The following GBP1 variants were observed in gnomAD, a reference collection of about 807,000 sequenced individuals.
GBP1 encodes guanylate-binding protein 1.
GBP1 carries 64 observed loss-of-function variants against 69.5 expected under a neutral mutation model. That is an observed-to-expected ratio of 0.92 (90% CI 0.75 to 1.13). The LOEUF (loss-of-function observed/expected upper bound fraction) is 1.13, where lower values mean the gene tolerates loss of function less well. Among genes scored for constraint, GBP1 ranks in the 50% most tolerant of loss-of-function variants. The probability of loss-of-function intolerance (pLI) is 0.00; values close to 1 mark genes in which losing one functional copy is unlikely to be tolerated. For missense variants in GBP1, 630 were observed against 704.1 expected (o/e 0.89, Z 1.19); for synonymous variants, 250 against 261.2 (o/e 0.96, Z 0.41).
chr1:89,056,251 A>G, intron 7 of GBP1, 23 bp from the exon 8 acceptor site: 1 of 1,613,912 alleles, frequency 6.2e-7, no homozygotes, highest in Admixed American at 1.7e-5. Flanking sequence ...AATAGGAAGT[A>G]AAAAGAGTAA....
Position 89,058,982 on chromosome 1 carries a change from C to T in GBP1, c.490G>A (p.Glu164Lys), listed in dbSNP as rs917345704. Residue 164 changes from glutamate (E) to lysine (K), a missense_variant, in exon 5 of 11, where the codon GAG becomes AAG. Transcript: ENST00000370473. ...SKSSPDENEN[E>K]VEDSADFVSF... The stretch of plus-strand genomic sequence containing the variant: ...ACAAAGTCAGCTGAATCCTCAACCT[C>T]ATTCTCATTCTCATCAGGTGAGGAT... 6.2e-7 allele frequency: 1 copy of T among 1,614,138 alleles called. No homozygotes were observed. Among genetic ancestry groups the T allele is most frequent in the Non-Finnish European group, 8.5e-7 (1 of 1,180,016 alleles).
chr1:89,061,980 C>T (rs1161888341), intron 2 of GBP1, among the ~76,000 whole-genome samples: 1 of 139,450 alleles, frequency 7.2e-6, no homozygotes, highest in Admixed American at 7.3e-5. Flanking sequence ...ATTCGTATGG[C>T]CACTATAAAA....
rs764383083 is a variant in GBP1, at chr1:89,056,279, C to T, written c.1156-51G>A. 14 of 1,612,998 alleles carry T rather than the reference C, an allele frequency of 8.7e-6. No individual in the cohort carries two copies. The East Asian group carries it at 3.1e-4, about 36-fold the overall frequency. On this transcript the variant is annotated intron_variant, in intron 7 of 10. Coordinates refer to ENST00000370473, the MANE Select transcript of GBP1 (RefSeq NM_002053.3). ...AAGAGTAACAGGGAAAGGATGTTAG[C>T]TTGACCTCAGAATTTTGGGAACGAT...
intron 10 of GBP1, 69 bp downstream of exon 10, chr1:89,054,613 A>T: frequency 7.2e-7 from 1 of 1,389,990 alleles, no homozygotes; most frequent in Non-Finnish European, 1.0e-6. Flanking sequence ...CTGCCACACT[A>T]AGTTTGCGAT....
chr1:89,060,353 G>T (rs776570020), intron 2 of GBP1, 29 bp from the exon 3 acceptor site: 8 of 1,519,460 alleles, frequency 5.3e-6, no homozygotes, highest in South Asian at 3.9e-5. Context: ...ACCAGCGATG[G>T]GGATTTAGTA....
rs1455685815 is a variant in GBP1 at position 89,056,976 on chromosome 1, G to C, written c.1033C>G (p.Leu345Val). The change falls in exon 7 of 11, where the codon CTG becomes GTG. Residue 345 changes from leucine to valine, a missense_variant. Physicochemically the swap from Leu to Val is conservative, Grantham distance 32. This residue lies in a region of GBP1 where 367 missense variants were observed against 369.5 expected (regional missense o/e 0.99). Coordinates refer to ENST00000370473, the MANE Select transcript of GBP1 (RefSeq NM_002053.3). ...AGCTCCTGGAGGGTTTCTGTGGGCAGCTGCACCTTCTGGCCCATCTGCTGT... is the reference window on the plus strand; with the variant it reads ...AGCTCCTGGAGGGTTTCTGTGGGCACCTGCACCTTCTGGCCCATCTGCTGT... ...YEQQMGQKVQ[L>V]PTETLQELLD... is the part of the protein sequence containing the mutation. 2 of 1,614,096 alleles carry C rather than the reference G, an allele frequency of 1.2e-6. No individual in the cohort carries two copies. The highest frequency in any genetic ancestry group is 1.7e-6 in the Non-Finnish European group (2 of 1,180,040).
chr1:89,053,607 C>A (rs1159414354), intron 10 of GBP1, 139 bp from the exon 11 acceptor site: 2 of 1,341,126 alleles, frequency 1.5e-6, no homozygotes, highest in Admixed American at 2.8e-5. Context: ...TTTGGCCTAT[C>A]ATTGACCAAA....
intron 2 of GBP1, among the ~76,000 whole-genome samples, 160 bp from the exon 3 acceptor site, chr1:89,060,484 C>A (rs1162083447): frequency 6.6e-6 from 1 of 152,178 alleles, no homozygotes; most frequent in Non-Finnish European, 1.5e-5. Context: ...ATTTGAATAT[C>A]CAATGCATGG....
Position 89,054,700 on chromosome 1 carries a change from G to T in GBP1, c.1647C>A (p.Thr549=), listed in dbSNP as rs1323285073. ...TAGATACCTGAAGTTTAAGAGCGAG[G>T]GTCCTCTCTTGCTCTTTCAGCAACT... The part of the protein sequence containing the change: ...RVQLLKEQER[T]LALKLQEQEQ... The change falls in exon 10 of 11, where the codon ACC becomes ACA. Residue 549 remains threonine, a synonymous_variant. Transcript: ENST00000370473. 2 of 1,613,842 alleles carry T rather than the reference G, an allele frequency of 1.2e-6. No homozygotes were observed.
At chr1:89,059,193 A>G in intron 4 of GBP1, 124 bp downstream of exon 4, 1 of 1,597,790 alleles carries the variant, frequency 6.3e-7, no homozygotes, top group South Asian at 1.1e-5. Flanking sequence ...TCTCCTCTGT[A>G]CTTGCATTAT....
In GBP1 at chr1:89,060,266, C is replaced by T. The variant is rs374862163; in HGVS notation, c.249G>A (p.Val83=). The T allele has an allele frequency of 6.2e-7, 1 of 1,603,646 alleles. No homozygotes were observed. Among genetic ancestry groups the T allele is most frequent in the Non-Finnish European group, 8.5e-7 (1 of 1,175,660 alleles). ...TGTGGCCTGGCTTCTTGGGGTGGGGCACACACCACATCCAGATTCCTTTAG... is the reference window on the plus strand; with the variant it reads ...TGTGGCCTGGCTTCTTGGGGTGGGGTACACACCACATCCAGATTCCTTTAG... ...SHTKGIWMWC[V]PHPKKPGHIL... is the part of the protein sequence containing the mutation. The change falls in exon 3 of 11, where the codon GTG becomes GTA. Residue 83 remains valine (V), a synonymous_variant. Coordinates refer to ENST00000370473, the MANE Select transcript of GBP1 (RefSeq NM_002053.3).
chr1:89,057,170 G>C, intron 6 of GBP1, 36 bp from the exon 7 acceptor site: 1 of 1,610,024 alleles, frequency 6.2e-7, no homozygotes, highest in South Asian at 1.1e-5. Context: ...GTTTCTGGTG[G>C]TAAAGAAAGT....
At chr1:89,061,830 A>G (rs1335879465) in intron 2 of GBP1, among the ~76,000 whole-genome samples, 3 of 152,198 alleles carry the variant, frequency 2.0e-5, no homozygotes, top group Non-Finnish European at 2.9e-5. Context: ...AACCAGATTA[A>G]TAAATGAACA....
In GBP1 at chr1:89,057,074, A is replaced by G; in HGVS notation, c.935T>C (p.Met312Thr). The G allele has an allele frequency of 6.2e-7, 1 of 1,614,264 alleles. No homozygotes were observed. Among genetic ancestry groups the G allele is most frequent in the Non-Finnish European group, 8.5e-7 (1 of 1,180,048 alleles). Reference sequence around the variant, plus strand: ...GGCCAAGGCCAGGACTGCGTTCTCCATGCACGGCAGATCCCCACTGCTGAT... The same window carrying G: ...GGCCAAGGCCAGGACTGCGTTCTCCGTGCACGGCAGATCCCCACTGCTGAT... ...NAISSGDLPCMENAVLALAQI... is the reference protein window; with the variant it reads ...NAISSGDLPCTENAVLALAQI... The change falls in exon 7 of 11, where the codon ATG becomes ACG. Residue 312 changes from methionine to threonine, a missense_variant. Met to Thr is a moderately conservative substitution (Grantham distance 81). Around this residue, in one of 5 missense-constraint regions of GBP1, gnomAD observed 367 missense variants for 369.5 expected, o/e 0.99. Coordinates refer to ENST00000370473, the MANE Select transcript of GBP1 (RefSeq NM_002053.3).
At position 89,056,184 on chromosome 1, in the gene GBP1, C is replaced by T. The variant is rs138384050; in HGVS notation, c.1200G>A (p.Gln400=). The stretch of plus-strand genomic sequence containing the variant: ...CTGAGCAACGATCTGATGATGCTTC[C>T]TGATTCTGTTTACAAAAGTCATCCC... ...KKRDDFCKQN[Q]EASSDRCSAL... The change falls in exon 8 of 11, where the codon CAG becomes CAA. Residue 400 remains glutamine (Q), a synonymous_variant. Transcript: ENST00000370473. 1.7e-5 allele frequency: 27 copies of T among 1,613,924 alleles called. No homozygotes were observed. Among genetic ancestry groups the T allele is most frequent in the Admixed American group, 8.3e-5 (5 of 60,016 alleles).
Position 89,053,199 on chromosome 1 carries a change from A to G in GBP1, c.*156T>C, listed in dbSNP as rs1679961747. 1.2e-5 allele frequency: 6 copies of G among 511,636 alleles called. No individual in the cohort carries two copies. Among genetic ancestry groups the G allele is most frequent in the Middle Eastern group, 5.2e-4 (1 of 1,916 alleles). 31.7% of individuals were successfully genotyped at this position (511,636 alleles called of 1,614,324 possible). A position where few individuals can be genotyped will look rare whatever the true frequency, so the allele number is the denominator to read the frequency against. ...TTTACAGTCTTTTTTTTTTTTTAAG[A>G]AAAAACATGATTTTGATCATTGTAC... On this transcript the variant is annotated 3_prime_UTR_variant, in exon 11 of 11. Transcript: ENST00000370473.
At chr1:89,057,196 T>C in intron 6 of GBP1, 62 bp from the exon 7 acceptor site, 1 of 1,596,380 alleles carries the variant, frequency 6.3e-7, no homozygotes, top group Non-Finnish European at 8.6e-7. Context: ...TTCCATGTAA[T>C]TCTGAGCATG....
chr1:89,054,720 G>A lies in GBP1; in HGVS notation c.1627C>T (p.Leu543=), dbSNP rs1405588984. ...GCGAGGGTCCTCTCTTGCTCTTTCAGCAACTGGACCCTGTCGTTCTCCATC... is the reference window on the plus strand; with the variant it reads ...GCGAGGGTCCTCTCTTGCTCTTTCAACAACTGGACCCTGTCGTTCTCCATC... The part of the protein sequence containing the change: ...EKMENDRVQL[L]KEQERTLALK... Residue 543 remains leucine, a synonymous_variant, in exon 10 of 11, where the codon CTG becomes TTG. Transcript: ENST00000370473. 6.2e-7 allele frequency: 1 copy of A among 1,614,060 alleles called. No homozygotes were observed. Among genetic ancestry groups the A allele is most frequent in the East Asian group, 2.2e-5 (1 of 44,894 alleles).
Position 89,058,151 on chromosome 1 carries a change from C to G in GBP1, c.715G>C (p.Asp239His). The stretch of plus-strand genomic sequence containing the variant: ...AGCTTCCTGCGGTGAACGGGCCGAT[C>G]AAAGACAAAGCATTTTTTCTTTGGG... The part of the protein sequence containing the change: ...FFPKKKCFVF[D>H]RPVHRRKLAQ... The change falls in exon 6 of 11, where the codon GAT becomes CAT. Residue 239 changes from aspartate (D) to histidine (H), a missense_variant. Physicochemically the swap from Asp to His is moderately conservative, Grantham distance 81. Coordinates refer to ENST00000370473, the MANE Select transcript of GBP1 (RefSeq NM_002053.3). The G allele has an allele frequency of 6.2e-7, 1 of 1,614,042 alleles. No individual in the cohort carries two copies. Among genetic ancestry groups the G allele is most frequent in the Non-Finnish European group, 8.5e-7 (1 of 1,179,956 alleles).
Sources: allele counts gnomAD v4.1 joint callset (sites outside exome capture counted in the v4.1 genomes callset), GRCh38; gene constraint gnomAD v4.1.1; regional missense constraint gnomAD v4.1.1; transcripts MANE v1.5; gene names NCBI Gene and HGNC (gene_info 2026-07-23, HGNC 2026-07-21).